The following PCDH15 variants were observed in gnomAD, a reference collection of about 807,000 sequenced individuals.
PCDH15 encodes protocadherin-15.
A neutral mutation model predicts 178.5 loss-of-function variants in PCDH15; 129 were observed. The ratio of observed to expected loss-of-function variants is 0.72; its 90% CI spans 0.63 to 0.84. PCDH15 has a LOEUF of 0.84. Ranked by LOEUF, PCDH15 falls within the 40% of genes least tolerant of loss-of-function variation. The pLI, the probability that PCDH15 is intolerant of heterozygous loss-of-function variation, is 0.00. For missense variants in PCDH15, 2,230 were observed against 2,099.9 expected, an observed-to-expected ratio of 1.06 and a Z score of -1.21; for synonymous variants, 800 against 732.0, an observed-to-expected ratio of 1.09 and a Z score of -1.50.
chr10:53,855,920 A>ATATATATATATATGTGTGTG lies in PCDH15; in HGVS notation c.3806+1254_3806+1255insCACACACATATATATATATA, dbSNP rs1201156130. Among the ~76,000 whole-genome samples, 163 of 140,406 alleles carry ATATATATATATATGTGTGTG rather than the reference A, an allele frequency of 1.2e-3. 11 individuals are homozygous for ATATATATATATATGTGTGTG. The South Asian group carries it at 0.022, about 19-fold the overall frequency. 92.1% of individuals were successfully genotyped at this position (140,406 alleles called of 152,430 possible). On this transcript the variant is annotated intron_variant, in intron 28 of 37. Transcript: ENST00000644397. ...AGGTGATATGTATATATATATATAT[A>ATATATATATATATGTGTGTG]TGTATGTGTGTGTGTGTAATGAAAT... is the stretch of plus-strand genomic sequence containing the variant.
At chr10:54,650,801 T>C (rs1457216161) in intron 2 of PCDH15, among the ~76,000 whole-genome samples, 1 of 152,008 alleles carries the variant, frequency 6.6e-6, no homozygotes, top group African/African-American at 2.4e-5. Context: ...TTAACTACTG[T>C]GAGAACAGTA....
intron 9 of PCDH15, among the ~76,000 whole-genome samples, chr10:54,219,092 A>T (rs2052439369): frequency 1.9e-4 from 3 of 15,524 alleles, no homozygotes; most frequent in South Asian, 9.9e-4. Flanking sequence ...TCTCTACTAA[A>T]AAAAAAAAAA....
At chr10:54,885,226 T>C (rs1177687125) in intron 3 of PCDH15, among the ~76,000 whole-genome samples, 1 of 152,042 alleles carries the variant, frequency 6.6e-6, no homozygotes, top group Non-Finnish European at 1.5e-5. Flanking sequence ...AGATATCCTA[T>C]TCCTAGAAAA....
At chr10:55,492,943 T>A (rs188888700) in intron 2 of PCDH15, among the ~76,000 whole-genome samples, 3 of 151,832 alleles carry the variant, frequency 2.0e-5, no homozygotes, top group African/African-American at 7.2e-5. Context: ...TCACTAGATG[T>A]TGTTATCAGT....
intron 1 of PCDH15, among the ~76,000 whole-genome samples, chr10:55,318,773 T>C (rs1843800796): frequency 6.6e-6 from 1 of 152,068 alleles, no homozygotes; most frequent in South Asian, 2.1e-4. Flanking sequence ...CAGGTCAAGA[T>C]AAATAAAAAC....
chr10:54,164,654 T>C (rs890647486), intron 13 of PCDH15, among the ~76,000 whole-genome samples: 11 of 152,198 alleles, frequency 7.2e-5, no homozygotes, highest in African/African-American at 2.7e-4. Context: ...TCTTAGTGTA[T>C]GAAATATGCT....
At chr10:54,732,343 T>C (rs536021171) in intron 1 of PCDH15, among the ~76,000 whole-genome samples, 2 of 151,034 alleles carry the variant, frequency 1.3e-5, no homozygotes, top group East Asian at 3.9e-4. Context: ...ACTACCAATA[T>C]CCTTATGAAA....
intron 3 of PCDH15, among the ~76,000 whole-genome samples, chr10:54,895,948 A>G (rs938786390): frequency 1.4e-5 from 2 of 141,726 alleles, no homozygotes; most frequent in African/African-American, 4.9e-5. Flanking sequence ...GTGCAGTGGC[A>G]CTATCTCGGC....
chr10:54,601,469 C>G (rs1049314371), intron 2 of PCDH15, among the ~76,000 whole-genome samples: 1 of 151,838 alleles, frequency 6.6e-6, no homozygotes, highest in African/African-American at 2.4e-5. Context: ...ATTAGAGACA[C>G]GCAAATAAAA....
At chr10:55,589,304 A>C (rs556523220) in intron 2 of PCDH15, among the ~76,000 whole-genome samples, 1 of 152,192 alleles carries the variant, frequency 6.6e-6, no homozygotes, top group African/African-American at 2.4e-5. Flanking sequence ...ACCATTTATT[A>C]AATAGGGAAT....
In PCDH15 at chr10:54,406,116, T is replaced by C. The variant is rs1308164303; in HGVS notation, c.158-27174A>G. The stretch of plus-strand genomic sequence containing the variant: ...TGCGTACTAAATATGAATGTGTGTA[T>C]TGTGTGTGGGCTTATAGTATTAACA... On this transcript the variant is annotated intron_variant, in intron 3 of 37. Transcript: ENST00000644397. Among the ~76,000 whole-genome samples, 5 of 152,112 alleles carry C rather than the reference T, an allele frequency of 3.3e-5. No homozygotes were observed. The East Asian group carries it at 9.6e-4, about 29-fold the overall frequency.
intron 13 of PCDH15, among the ~76,000 whole-genome samples, chr10:54,161,404 G>A (rs910015740): frequency 3.3e-5 from 5 of 152,100 alleles, no homozygotes; most frequent in Non-Finnish European, 5.9e-5. Context: ...AAATGGGAGT[G>A]AGCATTGACT....
chr10:55,086,987 C>A (rs890568726), intron 2 of PCDH15, among the ~76,000 whole-genome samples: 5 of 151,946 alleles, frequency 3.3e-5, no homozygotes, highest in African/African-American at 1.2e-4. Flanking sequence ...ATGTTCTTTG[C>A]AGTATTTTTG....
At chr10:55,373,211 AC>A (rs1845548379) in intron 2 of PCDH15, among the ~76,000 whole-genome samples, 1 of 152,104 alleles carries the variant, frequency 6.6e-6, no homozygotes, top group Non-Finnish European at 1.5e-5. Flanking sequence ...GAGTTATGGA[AC>A]TTTAATCATT....
At chr10:54,591,553 G>C (rs2091890167) in intron 2 of PCDH15, among the ~76,000 whole-genome samples, 1 of 152,150 alleles carries the variant, frequency 6.6e-6, no homozygotes, top group Non-Finnish European at 1.5e-5. Context: ...GTGACTTAGA[G>C]AAGTATAAGA....
intron 3 of PCDH15, among the ~76,000 whole-genome samples, chr10:54,811,306 C>T (rs1952858645): frequency 1.3e-5 from 2 of 151,960 alleles, no homozygotes; most frequent in South Asian, 2.1e-4. Flanking sequence ...TATAGATTCT[C>T]CAGGGCCCAA....
intron 26 of PCDH15, among the ~76,000 whole-genome samples, chr10:53,890,782 A>T (rs2921926): frequency 0.67 from 101,038 of 151,930 alleles, 34,326 homozygotes; most frequent in East Asian, 0.88. Context: ...AAGGAAAAAT[A>T]AAAAAATTTT....
chr10:54,139,866 A>G (rs938474070), intron 14 of PCDH15, among the ~76,000 whole-genome samples: 3 of 152,152 alleles, frequency 2.0e-5, no homozygotes, highest in African/African-American at 7.2e-5. Context: ...CAATTTTTAT[A>G]AGAAAAGATT....
intron 2 of PCDH15, among the ~76,000 whole-genome samples, chr10:54,898,701 G>C (rs1954588488): frequency 6.6e-6 from 1 of 152,066 alleles, no homozygotes; most frequent in South Asian, 2.1e-4. Flanking sequence ...TCCTATGAAA[G>C]CACTTTCCTT....
Sources: allele counts gnomAD v4.1 joint callset (sites outside exome capture counted in the v4.1 genomes callset), GRCh38; gene constraint gnomAD v4.1.1; transcripts MANE v1.5; gene names NCBI Gene and HGNC (gene_info 2026-07-23, HGNC 2026-07-21).